Variants in ITGA9 observed in about 807,000 individuals in gnomAD.
ITGA9 encodes integrin alpha-9.
In ITGA9, 56 loss-of-function variants were observed where a neutral mutation model predicts 127.8. The observed-to-expected ratio is 0.44, with a 90% CI of 0.35 to 0.55. The LOEUF (loss-of-function observed/expected upper bound fraction) is 0.55, where lower values mean the gene tolerates loss of function less well. ITGA9 is among the 20% of genes least tolerant of loss of function. The probability of loss-of-function intolerance (pLI) is 0.00; values close to 1 mark genes in which losing one functional copy is unlikely to be tolerated. For missense variants in ITGA9, 1,196 were observed against 1,347.1 expected, an observed-to-expected ratio of 0.89 and a Z score of 1.76; for synonymous variants, 508 against 514.5, an observed-to-expected ratio of 0.99 and a Z score of 0.17.
rs563641784 is a variant in ITGA9, at chr3:37,481,732, C to G, written c.544+125C>G. The G allele has an allele frequency of 9.2e-6, 12 of 1,303,364 alleles. No individual in the cohort carries two copies. The South Asian group carries it at 1.4e-4, about 16-fold the overall frequency. The allele number at this position is 1,303,364 out of a possible 1,614,324, so 80.7% of individuals were successfully genotyped here. A position where few individuals can be genotyped will look rare whatever the true frequency, so the allele number is the denominator to read the frequency against. On this transcript the variant is annotated intron_variant, in intron 4 of 27. Transcript: ENST00000264741. Reference sequence around the variant, plus strand: ...TCCACATGCTCATGATAGGGCAGCACTGTTTGCTCCCAGATGGTCTCTTGG... The same window carrying G: ...TCCACATGCTCATGATAGGGCAGCAGTGTTTGCTCCCAGATGGTCTCTTGG...
chr3:37,719,263 GAT>G (rs1701165961), intron 18 of ITGA9, among the ~76,000 whole-genome samples: 1 of 152,142 alleles, frequency 6.6e-6, no homozygotes, highest in African/African-American at 2.4e-5. Context: ...AGAGTCCTGA[GAT>G]GTACCCAGGA....
At chr3:37,530,364 A>T (rs1213370624) in intron 13 of ITGA9, among the ~76,000 whole-genome samples, 1 of 152,222 alleles carries the variant, frequency 6.6e-6, no homozygotes, top group Non-Finnish European at 1.5e-5. Context: ...GTGCAAGCAC[A>T]CATAGATATA....
At chr3:37,619,689 C>T (rs1022024041) in intron 15 of ITGA9, among the ~76,000 whole-genome samples, 2 of 152,176 alleles carry the variant, frequency 1.3e-5, no homozygotes, top group African/African-American at 4.8e-5. Context: ...CTGAGCATGG[C>T]CTGCTTAGCG....
intron 4 of ITGA9, among the ~76,000 whole-genome samples, chr3:37,483,740 G>A (rs1004113322): frequency 6.6e-6 from 1 of 152,190 alleles, no homozygotes; most frequent in Non-Finnish European, 1.5e-5. Flanking sequence ...CCACATCATA[G>A]GAACGGTGGT....
intron 23 of ITGA9, among the ~76,000 whole-genome samples, chr3:37,768,984 A>T (rs1696811288): frequency 6.6e-6 from 1 of 152,048 alleles, no homozygotes; most frequent in Non-Finnish European, 1.5e-5. Context: ...CAGCCAGCTG[A>T]TGGGGTTCGT....
intron 13 of ITGA9, among the ~76,000 whole-genome samples, chr3:37,532,928 T>A (rs1371433442): frequency 6.6e-6 from 1 of 152,222 alleles, no homozygotes; most frequent in African/African-American, 2.4e-5. Flanking sequence ...ATCTATTTCT[T>A]GAATCATGGC....
chr3:37,700,990 G>A (rs1363236539), intron 18 of ITGA9, among the ~76,000 whole-genome samples: 3 of 152,192 alleles, frequency 2.0e-5, no homozygotes, highest in Non-Finnish European at 2.9e-5. Context: ...ATGGGATCAG[G>A]CCTGAAAAGT....
At chr3:37,494,436 T>A in intron 4 of ITGA9, 65 bp from the exon 5 acceptor site, 1 of 1,205,342 alleles carries the variant, frequency 8.3e-7, no homozygotes, top group Non-Finnish European at 1.2e-6. Flanking sequence ...CTCTGCTGGC[T>A]CCACGCACAG....
chr3:37,712,176 T>G (rs1406777152), intron 18 of ITGA9, among the ~76,000 whole-genome samples: 2 of 151,550 alleles, frequency 1.3e-5, no homozygotes, highest in African/African-American at 2.4e-5. Context: ...AGGGAACTCA[T>G]GTGAGCCCTG....
intron 6 of ITGA9, among the ~76,000 whole-genome samples, chr3:37,503,709 T>G (rs1698812725): frequency 6.6e-6 from 1 of 152,196 alleles, no homozygotes; most frequent in South Asian, 2.1e-4. Flanking sequence ...AATAGAAAGA[T>G]AAGAACTAGA....
At chr3:37,532,849 C>G (rs267565) in intron 13 of ITGA9, among the ~76,000 whole-genome samples, 83,940 of 152,046 alleles carry the variant, frequency 0.55, 23,844 homozygotes, top group East Asian at 0.81. Flanking sequence ...TGACCAACTG[C>G]ATGGGGCTAC....
At chr3:37,780,285 C>A (rs1014723609) in intron 25 of ITGA9, among the ~76,000 whole-genome samples, 5 of 152,080 alleles carry the variant, frequency 3.3e-5, no homozygotes, top group Admixed American at 6.6e-5. Flanking sequence ...ACATGGTACC[C>A]AACAGGTAAC....
chr3:37,814,041 A>G lies in ITGA9; in HGVS notation c.3010-4850A>G, dbSNP rs1156896562. ...TAAAAATTGAAAATTGAATTTTCAAAAAATTTCTCAAAAATCTTTGAGAAA... is the reference window on the plus strand; with the variant it reads ...TAAAAATTGAAAATTGAATTTTCAAGAAATTTCTCAAAAATCTTTGAGAAA... On this transcript the variant is annotated intron_variant, in intron 27 of 27. Transcript: ENST00000264741. The surrounding 1 kb of genome is among the most constrained non-coding windows in gnomAD (Gnocchi z 4.3). 6.6e-6 allele frequency among the ~76,000 whole-genome samples: 1 copy of G among 152,202 alleles called. No individual in the cohort carries two copies. The highest frequency in any genetic ancestry group is 2.4e-5 in the African/African-American group (1 of 41,446).
chr3:37,637,100 T>C (rs1272979020), intron 16 of ITGA9, among the ~76,000 whole-genome samples: 3 of 152,204 alleles, frequency 2.0e-5, no homozygotes, highest in Non-Finnish European at 4.4e-5. Flanking sequence ...GGCTTAGGAT[T>C]GACTTGGCGA....
In ITGA9 at chr3:37,699,585, G is replaced by A. The variant is rs368668520; in HGVS notation, c.2067+15570G>A. On this transcript the variant is annotated intron_variant, in intron 18 of 27. Coordinates refer to ENST00000264741, the MANE Select transcript of ITGA9 (RefSeq NM_002207.3). ...ATAGCCTTCTTCATAATTGGTTTCC[G>A]TGCTTCCACCTTTACCTCTTACACT... 4.6e-5 allele frequency among the ~76,000 whole-genome samples: 7 copies of A among 152,212 alleles called. No homozygotes were observed. The South Asian group carries it at 1.0e-3, about 23-fold the overall frequency.
intron 15 of ITGA9, among the ~76,000 whole-genome samples, chr3:37,590,252 G>C (rs1367548440): frequency 6.6e-6 from 1 of 152,222 alleles, no homozygotes; most frequent in Non-Finnish European, 1.5e-5. Flanking sequence ...TCCCCATGGA[G>C]CCTCATGCTG....
At chr3:37,525,862 G>A (rs1168487219) in intron 12 of ITGA9, among the ~76,000 whole-genome samples, 164 bp from the exon 13 acceptor site, 1 of 152,198 alleles carries the variant, frequency 6.6e-6, no homozygotes, top group African/African-American at 2.4e-5. Context: ...ACGTCAGAGA[G>A]TGTGGCTTCC....
At position 37,588,756 on chromosome 3, in the gene ITGA9, G is replaced by A. The variant is rs1056016848; in HGVS notation, c.1690-40431G>A. Reference sequence around the variant, plus strand: ...GTCAGAGGATGAAAGGGACTTCGGCGGAAGCCATATGACCCACCTCTGTCA... The same window carrying A: ...GTCAGAGGATGAAAGGGACTTCGGCAGAAGCCATATGACCCACCTCTGTCA... On this transcript the variant is annotated intron_variant, in intron 15 of 27. Transcript: ENST00000264741. Among the ~76,000 whole-genome samples, 8 of 152,308 alleles carry A rather than the reference G, an allele frequency of 5.3e-5. No homozygotes were observed. In the East Asian group the frequency reaches 7.7e-4, roughly 15 times the overall value.
chr3:37,741,153 C>CCTT (rs2125533055), intron 20 of ITGA9, among the ~76,000 whole-genome samples: 1 of 152,332 alleles, frequency 6.6e-6, no homozygotes, highest in African/African-American at 2.4e-5. Context: ...CAGCCCTCAC[C>CCTT]CTTCCCAATC....
Sources: allele counts gnomAD v4.1 joint callset (sites outside exome capture counted in the v4.1 genomes callset), GRCh38; gene constraint gnomAD v4.1.1; non-coding constraint Gnocchi (gnomAD v3.1); transcripts MANE v1.5; gene names NCBI Gene and HGNC (gene_info 2026-07-23, HGNC 2026-07-21).